Variants in C4orf50 observed in about 807,000 individuals in gnomAD.
The protein encoded by C4orf50 is chromosome 4 open reading frame 50.
In C4orf50, 80 loss-of-function variants were observed where a neutral mutation model predicts 77.2. The ratio of observed to expected loss-of-function variants is 1.04; its 90% CI spans 0.87 to 1.25. The LOEUF (loss-of-function observed/expected upper bound fraction) is 1.25. C4orf50 is among the 50% of genes most tolerant of loss of function. The probability of loss-of-function intolerance (pLI) is 0.00; values close to 1 mark genes in which losing one functional copy is unlikely to be tolerated. For missense variants in C4orf50, 1,257 were observed against 1,152.9 expected, an observed-to-expected ratio of 1.09 and a Z score of -1.31; for synonymous variants, 532 against 465.3, an observed-to-expected ratio of 1.14 and a Z score of -1.84.
At chr4:5,944,327 C>G (rs1375678210) in intron 7 of C4orf50, among the ~76,000 whole-genome samples, 1 of 152,186 alleles carries the variant, frequency 6.6e-6, no homozygotes, top group African/African-American at 2.4e-5. Context: ...AGGGGAATGA[C>G]TTGTTTATAC....
At chr4:5,951,801 T>C (rs913417255) in intron 7 of C4orf50, among the ~76,000 whole-genome samples, 1 of 152,158 alleles carries the variant, frequency 6.6e-6, no homozygotes, top group Non-Finnish European at 1.5e-5. Flanking sequence ...ACCTTCTTGC[T>C]AATCCAGACC....
intron 33 of C4orf50, among the ~76,000 whole-genome samples, chr4:5,962,609 G>C (rs1337914131): frequency 2.0e-5 from 3 of 152,148 alleles, no homozygotes; most frequent in African/African-American, 7.2e-5. Flanking sequence ...GCACCATCTG[G>C]CCACATAATG....
Position 5,900,621 on chromosome 4 carries a change from A to T in C4orf50, c.*2475-2433T>A, listed in dbSNP as rs1716303742. The T allele has an allele frequency of 6.6e-6, 1 of 152,296 alleles. No homozygotes were observed. The highest frequency in any genetic ancestry group is 1.5e-5 in the Non-Finnish European group (1 of 68,060). The allele number at this position is 152,296 out of a possible 1,614,324, so 9.4% of individuals were successfully genotyped here. A position where few individuals can be genotyped will look rare whatever the true frequency, so the allele number is the denominator to read the frequency against. ...AGACCAAGACCTAAAATTCTGAATC[A>T]GCAGAGCCTGCCCCATGGCACGGTT... On this transcript the variant is annotated intron_variant, in intron 7 of 7. Coordinates refer to the C4orf50 transcript ENST00000324058. The surrounding 1 kb of genome is among the most constrained non-coding windows in gnomAD (Gnocchi z 4.3).
At chr4:5,975,702 C>T (rs1456776308) in intron 30 of C4orf50, among the ~76,000 whole-genome samples, 197 bp downstream of exon 8, 5 of 151,956 alleles carry the variant, frequency 3.3e-5, no homozygotes, top group Middle Eastern at 3.2e-3. Context: ...TTGCCCAGGC[C>T]GGTCTCAAAC....
intron 7 of C4orf50, among the ~76,000 whole-genome samples, chr4:5,947,770 C>A (rs1313686673): frequency 6.6e-6 from 1 of 152,152 alleles, no homozygotes; most frequent in African/African-American, 2.4e-5. Flanking sequence ...GAAGGAAACC[C>A]CAGGATACCG....
At chr4:5,948,393 G>A (rs1718573825) in intron 7 of C4orf50, among the ~76,000 whole-genome samples, 1 of 152,208 alleles carries the variant, frequency 6.6e-6, no homozygotes, top group African/African-American at 2.4e-5. Context: ...GGCTGGGCGT[G>A]GTGGCTTACG....
intron 7 of C4orf50, among the ~76,000 whole-genome samples, chr4:5,913,552 A>G (rs1716900648): frequency 1.3e-5 from 2 of 152,188 alleles, no homozygotes; most frequent in African/African-American, 4.8e-5. Context: ...AAATGCCCTA[A>G]TATTTTGTTT....
intron 7 of C4orf50, among the ~76,000 whole-genome samples, chr4:5,930,851 T>C (rs1168207813): frequency 1.3e-5 from 2 of 152,244 alleles, no homozygotes; most frequent in South Asian, 2.1e-4. Context: ...AGCATGGGCC[T>C]GGCAGGTACT....
intron 23 of C4orf50, 135 bp from the exon 2 acceptor site, chr4:6,012,103 C>A: frequency 2.5e-6 from 1 of 397,234 alleles, no homozygotes; most frequent in Non-Finnish European, 4.4e-6. Flanking sequence ...GACAAAATTA[C>A]GTTTTGCATA....
At chr4:5,964,917 G>C in intron 33 of C4orf50, 107 bp downstream of exon 11, 1 of 1,015,896 alleles carries the variant, frequency 9.8e-7, no homozygotes, top group Admixed American at 2.4e-5. Context: ...TGACCTGGTG[G>C]TGGCTTTCTG....
At chr4:5,957,165 T>G (rs1045437293) in exon 34 of C4orf50, 1 of 152,218 alleles carries the variant, frequency 6.6e-6, no homozygotes, top group Non-Finnish European at 1.5e-5. Context: ...GCAAAGGTCG[T>G]CTTGGCTTGC....
chr4:5,930,581 G>A (rs755185930), intron 7 of C4orf50, among the ~76,000 whole-genome samples: 96 of 152,328 alleles, frequency 6.3e-4, no homozygotes, highest in Admixed American at 2.2e-3. Flanking sequence ...AGTGCCTCCC[G>A]TGTCTCACTG....
chr4:6,004,792 T>C (rs1366148698), intron 25 of C4orf50, among the ~76,000 whole-genome samples: 5 of 151,010 alleles, frequency 3.3e-5, no homozygotes, highest in Non-Finnish European at 7.4e-5. Context: ...GTGATGGTGG[T>C]GATGGTGATG....
intron 23 of C4orf50, among the ~76,000 whole-genome samples, chr4:6,013,662 T>C (rs1237026446): frequency 3.3e-5 from 5 of 151,770 alleles, no homozygotes; most frequent in Non-Finnish European, 4.4e-5. Context: ...TGAGAGAGGG[T>C]TGAACTTAGG....
At position 5,988,680 on chromosome 4, in the gene C4orf50, C is replaced by T. The variant is rs546201135; in HGVS notation, c.3366G>A (p.Gln1122=). 2.9e-5 allele frequency: 44 copies of T among 1,536,108 alleles called. No homozygotes were observed. The African/African-American group carries it at 4.1e-4, about 14-fold the overall frequency. The change falls in exon 28 of 34, where the codon CAG becomes CAA. Residue 1122 remains glutamine, a synonymous_variant. Transcript: ENST00000531445. ...CTAGAGCGTGCATCTTGGCTTTTCC[C>T]TGGAGGTGCTCCCTTCCCCTCACCA...
chr4:5,994,395 G>T, exon 26 of C4orf50: 3 of 399,278 alleles, frequency 7.5e-6, no homozygotes, highest in Non-Finnish European at 1.3e-5. Flanking sequence ...AGGGAGTTCC[G>T]CCAGTCTTGG....
Position 5,993,000 on chromosome 4 carries a change from A to G in C4orf50, c.1094-70T>C. The G allele has an allele frequency of 2.5e-6, 1 of 397,080 alleles. No individual in the cohort carries two copies. The highest frequency in any genetic ancestry group is 4.4e-6 in the Non-Finnish European group (1 of 225,282). 24.6% of individuals were successfully genotyped at this position (397,080 alleles called of 1,614,324 possible). On this transcript the variant is annotated intron_variant, in intron 26 of 33. Transcript: ENST00000531445. The surrounding 1 kb of genome is among the most constrained non-coding windows in gnomAD (Gnocchi z 5.0). The stretch of plus-strand genomic sequence containing the variant: ...GGCTCTGCCATGATCGCCTCTAGGG[A>G]CCACGTCCCCCAGGCTTGGGTAAGA...
intron 7 of C4orf50, among the ~76,000 whole-genome samples, chr4:5,922,256 G>A (rs1038760856): frequency 2.0e-5 from 3 of 152,222 alleles, no homozygotes; most frequent in Admixed American, 1.3e-4. Flanking sequence ...GGGGACAGAG[G>A]ATGGGCCCTC....
At chr4:5,953,972 G>C (rs1409221262), downstream of C4orf50, among the ~76,000 whole-genome samples, 4 of 152,204 alleles carry the variant, frequency 2.6e-5, no homozygotes, top group African/African-American at 4.8e-5. Flanking sequence ...TCTGCCCTTG[G>C]ACCAAGTGCC....
Sources: allele counts gnomAD v4.1 joint callset (sites outside exome capture counted in the v4.1 genomes callset), GRCh38; gene constraint gnomAD v4.1.1; non-coding constraint Gnocchi (gnomAD v3.1); transcripts MANE v1.5; gene names NCBI Gene and HGNC (gene_info 2026-07-23, HGNC 2026-07-21).